The following SPATA6 variants were observed in gnomAD, a reference collection of about 807,000 sequenced individuals.
The protein encoded by SPATA6 is spermatogenesis associated 6, also known as spermatogenesis-associated protein 6.
SPATA6 carries 56 observed loss-of-function variants against 65.3 expected under a neutral mutation model. The ratio of observed to expected loss-of-function variants is 0.86; its 90% CI spans 0.69 to 1.07. The LOEUF is 1.07. Ranked by LOEUF, SPATA6 falls within the 50% of genes least tolerant of loss-of-function variation. The probability of loss-of-function intolerance (pLI) is 0.00; values close to 1 mark genes in which losing one functional copy is unlikely to be tolerated. For missense variants in SPATA6, 590 were observed against 594.8 expected (o/e 0.99, Z 0.08); for synonymous variants, 199 against 213.2 (o/e 0.93, Z 0.58).
chr1:48,380,939 G>C (rs555467126), intron 9 of SPATA6, among the ~76,000 whole-genome samples: 2 of 152,140 alleles, frequency 1.3e-5, no homozygotes, highest in Admixed American at 1.3e-4. Context: ...ATTTTTCCAC[G>C]AACTGGTGGG....
the SPATA6 span, among the ~76,000 whole-genome samples, chr1:48,280,918 G>T: frequency 3.3e-5 from 5 of 150,444 alleles, no homozygotes; most frequent in East Asian, 3.9e-4. Flanking sequence ...GATGAACATT[G>T]ATGCAAAAAT....
intron 3 of SPATA6, among the ~76,000 whole-genome samples, chr1:48,450,588 C>T (rs535733042): frequency 6.6e-6 from 1 of 152,264 alleles, no homozygotes; most frequent in East Asian, 1.9e-4. Context: ...CACCACACTG[C>T]CACCTAGCTA....
At chr1:48,371,270 TATAGATAGATAGATAG>T (rs59198017) in intron 9 of SPATA6, among the ~76,000 whole-genome samples, 33 of 131,712 alleles carry the variant, frequency 2.5e-4, no homozygotes, top group African/African-American at 6.5e-4. Context: ...TATGTATCTA[TATAGATAGATAGATAG>T]ATAGATAGAT....
chr1:48,412,724 T>C (rs927858124), intron 4 of SPATA6, among the ~76,000 whole-genome samples: 1 of 152,156 alleles, frequency 6.6e-6, no homozygotes, highest in Non-Finnish European at 1.5e-5. Flanking sequence ...GTTCAAGTGA[T>C]TCTTCTGTCT....
intron 3 of SPATA6, among the ~76,000 whole-genome samples, chr1:48,423,635 C>T (rs1399735239): frequency 6.8e-6 from 1 of 147,874 alleles, no homozygotes; most frequent in African/African-American, 2.5e-5. Flanking sequence ...GCAAACTCCA[C>T]CTCCCGAATT....
chr1:48,358,221 C>G (rs1218316911), intron 10 of SPATA6, among the ~76,000 whole-genome samples: 1 of 151,888 alleles, frequency 6.6e-6, no homozygotes, highest in Non-Finnish European at 1.5e-5. Flanking sequence ...AAAGCTGGAA[C>G]AAAATTGCAT....
At chr1:48,337,638 C>T (rs79341057) in intron 11 of SPATA6, among the ~76,000 whole-genome samples, 3,749 of 151,850 alleles carry the variant, frequency 0.025, 99 homozygotes, top group African/African-American at 0.067. Context: ...CTATTAATAT[C>T]AATGCGTGAA....
chr1:48,454,178 T>TAC (rs1656825042), intron 1 of SPATA6, among the ~76,000 whole-genome samples: 1 of 152,030 alleles, frequency 6.6e-6, no homozygotes, highest in Non-Finnish European at 1.5e-5. Flanking sequence ...CTCCAGTACC[T>TAC]ACCATATTCT....
chr1:48,453,042 G>A lies in SPATA6; in HGVS notation c.141C>T (p.Val47=). The change falls in exon 2 of 13, where the codon GTC becomes GTT. Residue 47 remains valine, a synonymous_variant. Transcript: ENST00000371847. ...TGAAGACCAGGGGAAAAGTGGCTGG[G>A]ACACATTGTGTCTTTTTGTATTGGC... ...VFGQYKKTQC[V]PATFPLVFNA... 6.2e-7 allele frequency: 1 copy of A among 1,613,996 alleles called. No individual in the cohort carries two copies. The highest frequency in any genetic ancestry group is 8.5e-7 in the Non-Finnish European group (1 of 1,179,956).
At chr1:48,461,579 C>T (rs1657434443) in intron 1 of SPATA6, among the ~76,000 whole-genome samples, 1 of 152,146 alleles carries the variant, frequency 6.6e-6, no homozygotes, top group Non-Finnish European at 1.5e-5. Context: ...TTCCCAGCAC[C>T]ATTTATTAAA....
intron 8 of SPATA6, chr1:48,393,119 T>G (rs919983116): frequency 1.3e-5 from 2 of 152,110 alleles, no homozygotes; most frequent in Non-Finnish European, 2.9e-5. Flanking sequence ...TAATAGGATA[T>G]TACATAGTTT....
intron 3 of SPATA6, among the ~76,000 whole-genome samples, chr1:48,432,567 T>G (rs1404813789): frequency 6.6e-6 from 1 of 151,986 alleles, no homozygotes; most frequent in African/African-American, 2.4e-5. Flanking sequence ...AAAATGCAAA[T>G]TACAACTAAA....
intron 3 of SPATA6, among the ~76,000 whole-genome samples, chr1:48,414,700 C>T (rs1412354189): frequency 1.3e-5 from 2 of 152,308 alleles, no homozygotes; most frequent in South Asian, 2.1e-4. Context: ...GAACACCTCC[C>T]TCTCCTCACA....
At chr1:48,396,042 A>G (rs1650555505) in intron 7 of SPATA6, among the ~76,000 whole-genome samples, 1 of 151,864 alleles carries the variant, frequency 6.6e-6, no homozygotes, top group Non-Finnish European at 1.5e-5. Context: ...TTTAAAAATG[A>G]ACTTGAATAG....
At chr1:48,445,064 T>C (rs1038120063) in intron 3 of SPATA6, among the ~76,000 whole-genome samples, 2 of 152,236 alleles carry the variant, frequency 1.3e-5, no homozygotes, top group Non-Finnish European at 2.9e-5. Context: ...AGGAAATGTA[T>C]ATATGACTCA....
At chr1:48,374,837 T>C (rs1647701060) in intron 9 of SPATA6, among the ~76,000 whole-genome samples, 1 of 152,170 alleles carries the variant, frequency 6.6e-6, no homozygotes, top group Non-Finnish European at 1.5e-5. Context: ...AAAGCTCTCT[T>C]AAAACACTCA....
intron 9 of SPATA6, among the ~76,000 whole-genome samples, chr1:48,381,648 C>CTTTTTT (rs36045284): frequency 1.3e-3 from 149 of 112,350 alleles, no homozygotes; most frequent in African/African-American, 4.8e-3. Context: ...TATGGTTTTT[C>CTTTTTT]TTTTTTTTTT....
At chr1:48,276,919 A>T in the SPATA6 span, among the ~76,000 whole-genome samples, 3 of 151,810 alleles carry the variant, frequency 2.0e-5, no homozygotes, top group Admixed American at 2.0e-4. Context: ...TAATATTGAC[A>T]GTGGGGTGTT....
intron 3 of SPATA6, among the ~76,000 whole-genome samples, chr1:48,447,602 C>A (rs551780154): frequency 6.6e-6 from 1 of 152,290 alleles, no homozygotes; most frequent in South Asian, 2.1e-4. Flanking sequence ...AGGTCAACTG[C>A]ACACAATCTT....
Sources: allele counts gnomAD v4.1 joint callset (sites outside exome capture counted in the v4.1 genomes callset), GRCh38; gene constraint gnomAD v4.1.1; transcripts MANE v1.5; gene names NCBI Gene and HGNC (gene_info 2026-07-23, HGNC 2026-07-21).